NIM1K: variants seen among roughly 807,000 people sequenced by gnomAD.
NIM1K encodes the protein serine/threonine-protein kinase NIM1.
In NIM1K, 35 loss-of-function variants were observed where a neutral mutation model predicts 37.1. The ratio of observed to expected loss-of-function variants is 0.94; its 90% CI spans 0.72 to 1.25. NIM1K has a LOEUF of 1.25. Ranked by LOEUF, NIM1K falls within the 50% of genes most tolerant of loss-of-function variation. The probability of loss-of-function intolerance (pLI) is 0.00; values close to 1 mark genes in which losing one functional copy is unlikely to be tolerated. For missense variants in NIM1K, 564 were observed against 548.0 expected (o/e 1.03, Z -0.29); for synonymous variants, 234 against 206.6 (o/e 1.13, Z -1.14).
chr5:43,257,288 G>A (rs994643394), intron 2 of NIM1K, among the ~76,000 whole-genome samples: 1 of 151,894 alleles, frequency 6.6e-6, no homozygotes, highest in African/African-American at 2.4e-5. Context: ...CCCTGAGGAG[G>A]GCATTTTTAG....
At chr5:43,242,184 T>A (rs1752712827) in intron 1 of NIM1K, among the ~76,000 whole-genome samples, 1 of 151,990 alleles carries the variant, frequency 6.6e-6, no homozygotes, top group African/African-American at 2.4e-5. Context: ...TGATCATATT[T>A]GGCAATTGTA....
In NIM1K at chr5:43,199,204, AATATATATAT is replaced by A. The variant is rs1162677436; in HGVS notation, c.-695+6818_-695+6827del. Among the ~76,000 whole-genome samples, 53 of 94,008 alleles carry A rather than the reference AATATATATAT, an allele frequency of 5.6e-4. 1 individual carries two copies. Among genetic ancestry groups the A allele is most frequent in the African/African-American group, 1.0e-3 (26 of 25,748 alleles). The allele number at this position is 94,008 out of a possible 152,430, so 61.7% of individuals were successfully genotyped here. The stretch of plus-strand genomic sequence containing the variant: ...GCTCTGTCTCCAAAAAAAAAAAAAA[AATATATATAT>A]ATATATATATATATATATATATATG... On this transcript the variant is annotated intron_variant, in intron 1 of 3. Transcript: ENST00000326035.
chr5:43,277,227 G>C lies in NIM1K; in HGVS notation c.463G>C (p.Gly155Arg). ...KLHLVMEYAG[G>R]GELFGKISTE... ...GCACTTGGTGATGGAGTATGCAGGG[G>C]GTGGGGAGCTCTTCGGAAAAATTAG... Residue 155 changes from glycine to arginine, a missense_variant, in exon 3 of 4, where the codon GGT becomes CGT. By Grantham distance (125) the Gly-to-Arg change is moderately radical. Transcript: ENST00000326035. 6.2e-7 allele frequency: 1 copy of C among 1,614,054 alleles called. No homozygotes were observed. Among genetic ancestry groups the C allele is most frequent in the Non-Finnish European group, 8.5e-7 (1 of 1,180,004 alleles).
chr5:43,266,663 T>C (rs1024352364), intron 2 of NIM1K, among the ~76,000 whole-genome samples: 1 of 152,226 alleles, frequency 6.6e-6, no homozygotes, highest in Non-Finnish European at 1.5e-5. Flanking sequence ...GGTACCTCAG[T>C]TGGAAATGCA....
chr5:43,213,236 TC>T lies in NIM1K; in HGVS notation c.-695+20827del, dbSNP rs1561074948. On this transcript the variant is annotated intron_variant, in intron 1 of 3. Transcript: ENST00000326035. ...TTCTTTCTTTCTTTCCTTCTTTTCT[TC>T]CTTTCTTTCTTTCTTGTTCTTTCTT... 1.9e-3 allele frequency among the ~76,000 whole-genome samples: 283 copies of T among 148,724 alleles called. 27 individuals are homozygous for T. The highest frequency in any genetic ancestry group is 5.8e-3 in the African/African-American group (233 of 40,070).
At chr5:43,210,674 A>G (rs1321427530) in intron 1 of NIM1K, among the ~76,000 whole-genome samples, 1 of 152,216 alleles carries the variant, frequency 6.6e-6, no homozygotes, top group Non-Finnish European at 1.5e-5. Context: ...ATGAAACTGC[A>G]TGGGATTGTA....
At chr5:43,194,561 T>C (rs1248896227) in intron 1 of NIM1K, among the ~76,000 whole-genome samples, 1 of 152,194 alleles carries the variant, frequency 6.6e-6, no homozygotes, top group African/African-American at 2.4e-5. Flanking sequence ...CCCTTTATAT[T>C]CTTGGTTTAA....
At chr5:43,218,077 T>A (rs975782749) in intron 1 of NIM1K, among the ~76,000 whole-genome samples, 2 of 152,020 alleles carry the variant, frequency 1.3e-5, no homozygotes, top group Admixed American at 6.6e-5. Flanking sequence ...AGTGGCTCCA[T>A]CTGAGCTCAC....
intron 2 of NIM1K, among the ~76,000 whole-genome samples, chr5:43,253,137 C>A (rs1477859009): frequency 1.4e-5 from 2 of 145,996 alleles, no homozygotes; most frequent in African/African-American, 5.1e-5. Context: ...GACACCATGA[C>A]TGGCCTTCAT....
chr5:43,262,765 A>G (rs1753053321), intron 2 of NIM1K, among the ~76,000 whole-genome samples: 1 of 152,002 alleles, frequency 6.6e-6, no homozygotes, highest in East Asian at 1.9e-4. Context: ...AGCTCTTACT[A>G]TTTTGTGATG....
At chr5:43,215,824 T>C (rs764754444) in intron 1 of NIM1K, among the ~76,000 whole-genome samples, 63 of 152,218 alleles carry the variant, frequency 4.1e-4, no homozygotes, top group Non-Finnish European at 8.7e-4. Flanking sequence ...TGTTCTTTAG[T>C]GGATTTACGT....
At chr5:43,274,077 A>T (rs566167988) in intron 2 of NIM1K, among the ~76,000 whole-genome samples, 28 of 152,264 alleles carry the variant, frequency 1.8e-4, no homozygotes, top group Admixed American at 5.2e-4. Context: ...CATTTATATT[A>T]TGAGGCCTGC....
intron 1 of NIM1K, among the ~76,000 whole-genome samples, chr5:43,239,869 A>T (rs1752674671): frequency 6.6e-6 from 1 of 152,030 alleles, no homozygotes; most frequent in African/African-American, 2.4e-5. Context: ...TTTGGAATAA[A>T]GTAGAAATAA....
chr5:43,249,678 C>T (rs540574130), intron 2 of NIM1K, among the ~76,000 whole-genome samples: 2 of 152,182 alleles, frequency 1.3e-5, no homozygotes, highest in Admixed American at 1.3e-4. Flanking sequence ...GAGCTGTCTA[C>T]TGGGCATGCT....
chr5:43,235,020 C>G (rs781294247), intron 1 of NIM1K, among the ~76,000 whole-genome samples: 2 of 152,144 alleles, frequency 1.3e-5, no homozygotes, highest in African/African-American at 4.8e-5. Context: ...CTTAATGAAA[C>G]CTTTTTAACC....
At chr5:43,207,697 G>A in intron 1 of NIM1K, 1 of 520,762 alleles carries the variant, frequency 1.9e-6, no homozygotes, top group Non-Finnish European at 3.7e-6. Context: ...ATTCTTCATA[G>A]AACAGTTGCT....
intron 1 of NIM1K, among the ~76,000 whole-genome samples, chr5:43,221,689 T>C (rs1236370162): frequency 1.3e-5 from 2 of 152,212 alleles, no homozygotes; most frequent in Non-Finnish European, 1.5e-5. Flanking sequence ...GGATTGGTTA[T>C]ACAGCGTTTG....
chr5:43,279,753 C>G (rs1204054426), intron 3 of NIM1K, among the ~76,000 whole-genome samples: 2 of 152,216 alleles, frequency 1.3e-5, no homozygotes, highest in Admixed American at 6.5e-5. Context: ...ATGTGTGGAA[C>G]AGACTCCAAC....
At chr5:43,204,895 C>T (rs891265680) in intron 1 of NIM1K, among the ~76,000 whole-genome samples, 8 of 152,076 alleles carry the variant, frequency 5.3e-5, no homozygotes, top group African/African-American at 1.9e-4. Flanking sequence ...ACTTGGGAGA[C>T]TGAGGTGGGA....
Sources: allele counts gnomAD v4.1 joint callset (sites outside exome capture counted in the v4.1 genomes callset), GRCh38; gene constraint gnomAD v4.1.1; transcripts MANE v1.5; gene names NCBI Gene and HGNC (gene_info 2026-07-23, HGNC 2026-07-21).